The following GULP1 variants were observed in gnomAD, a reference collection of about 807,000 sequenced individuals.
The protein encoded by GULP1 is PTB domain-containing engulfment adapter protein 1.
In GULP1, 19 loss-of-function variants were observed where a neutral mutation model predicts 40.9. The observed-to-expected ratio is 0.46, with a 90% CI of 0.32 to 0.68. The LOEUF (loss-of-function observed/expected upper bound fraction) is 0.68, where lower values mean the gene tolerates loss of function less well. Ranked by LOEUF, GULP1 falls within the 30% of genes least tolerant of loss-of-function variation. The probability of loss-of-function intolerance (pLI) is 0.03; values close to 1 mark genes in which losing one functional copy is unlikely to be tolerated. For missense variants in GULP1, 312 were observed against 362.2 expected, an observed-to-expected ratio of 0.86 and a Z score of 1.12; for synonymous variants, 119 against 117.6, an observed-to-expected ratio of 1.01 and a Z score of -0.08.
intron 4 of GULP1, among the ~76,000 whole-genome samples, chr2:188,494,047 AATG>A (rs973004958): frequency 1.1e-4 from 17 of 152,148 alleles, no homozygotes; most frequent in African/African-American, 4.1e-4. Flanking sequence ...CCAGCCAGTG[AATG>A]ATGAACTCAT....
At chr2:188,395,740 T>C (rs1031165390) in intron 2 of GULP1, among the ~76,000 whole-genome samples, 1 of 152,142 alleles carries the variant, frequency 6.6e-6, no homozygotes, top group Non-Finnish European at 1.5e-5. Flanking sequence ...CTCCTCTGAG[T>C]CTAGCCACCC....
chr2:188,330,792 C>T (rs1237784168), intron 1 of GULP1, among the ~76,000 whole-genome samples: 1 of 152,122 alleles, frequency 6.6e-6, no homozygotes, highest in Admixed American at 6.6e-5. Flanking sequence ...TGAAAAGGTT[C>T]ATCTGGATTA....
At chr2:188,312,667 T>C (rs2038374359) in intron 1 of GULP1, among the ~76,000 whole-genome samples, 1 of 152,150 alleles carries the variant, frequency 6.6e-6, no homozygotes, top group African/African-American at 2.4e-5. Flanking sequence ...TACCCGGTAA[T>C]GGGATTGCTG....
chr2:188,492,659 G>A (rs943763771), intron 4 of GULP1, among the ~76,000 whole-genome samples: 4 of 150,826 alleles, frequency 2.7e-5, no homozygotes, highest in Non-Finnish European at 4.4e-5. Flanking sequence ...TAAAAAAAAA[G>A]AAATTATAGC....
intron 2 of GULP1, among the ~76,000 whole-genome samples, chr2:188,436,878 G>A (rs2057455552): frequency 6.6e-6 from 1 of 152,124 alleles, no homozygotes; most frequent in East Asian, 1.9e-4. Flanking sequence ...AATAGGTGCT[G>A]TATATCTCTA....
chr2:188,334,958 G>A (rs1379360255), intron 1 of GULP1, among the ~76,000 whole-genome samples: 2 of 152,142 alleles, frequency 1.3e-5, no homozygotes, highest in Non-Finnish European at 2.9e-5. Flanking sequence ...AGGAATTAGA[G>A]AAAATTGCCA....
At chr2:188,334,503 T>A (rs188557541) in intron 1 of GULP1, among the ~76,000 whole-genome samples, 164 of 152,282 alleles carry the variant, frequency 1.1e-3, no homozygotes, top group African/African-American at 3.9e-3. Context: ...GTGTGGTCCA[T>A]GTATAAGAGT....
chr2:188,308,958 G>T (rs1185406090), intron 1 of GULP1, among the ~76,000 whole-genome samples: 1 of 152,026 alleles, frequency 6.6e-6, no homozygotes, highest in Non-Finnish European at 1.5e-5. Context: ...ATTAGAGTTC[G>T]TGTGTCTCTG....
chr2:188,583,339 G>C (rs1357186534), intron 9 of GULP1, among the ~76,000 whole-genome samples: 1 of 152,088 alleles, frequency 6.6e-6, no homozygotes, highest in Non-Finnish European at 1.5e-5. Context: ...CGTATTCTGA[G>C]AATTCTAATT....
chr2:188,335,195 A>C (rs2042101276), intron 1 of GULP1, among the ~76,000 whole-genome samples: 1 of 152,194 alleles, frequency 6.6e-6, no homozygotes, highest in Non-Finnish European at 1.5e-5. Context: ...TTAATGGAAG[A>C]GTTTATTTCT....
At chr2:188,303,479 T>A (rs1334156530) in intron 1 of GULP1, among the ~76,000 whole-genome samples, 2 of 152,178 alleles carry the variant, frequency 1.3e-5, no homozygotes, top group Non-Finnish European at 2.9e-5. Context: ...CCAGAGGTTG[T>A]GTGGGCAGTG....
intron 4 of GULP1, among the ~76,000 whole-genome samples, chr2:188,504,492 A>T (rs879825269): frequency 1.1e-4 from 17 of 151,936 alleles, no homozygotes; most frequent in Non-Finnish European, 2.1e-4. Context: ...ACAGGCAACT[A>T]TGTAGATCAG....
chr2:188,523,581 G>C (rs981579182), intron 5 of GULP1, among the ~76,000 whole-genome samples: 2 of 151,550 alleles, frequency 1.3e-5, no homozygotes, highest in African/African-American at 4.9e-5. Flanking sequence ...ACAGTTAAAT[G>C]TTATTCTCTA....
chr2:188,517,792 G>A (rs2065337490), intron 4 of GULP1, among the ~76,000 whole-genome samples: 2 of 152,140 alleles, frequency 1.3e-5, no homozygotes, highest in South Asian at 4.1e-4. Flanking sequence ...CTGGGAGCCA[G>A]GCTGAGAAAA....
chr2:188,427,183 C>G (rs1014610491), intron 2 of GULP1, among the ~76,000 whole-genome samples: 1 of 152,098 alleles, frequency 6.6e-6, no homozygotes, highest in Non-Finnish European at 1.5e-5. Context: ...TATGAATGAG[C>G]AAATAAATGA....
intron 2 of GULP1, among the ~76,000 whole-genome samples, chr2:188,414,842 T>C (rs1260277983): frequency 6.6e-6 from 1 of 152,218 alleles, no homozygotes; most frequent in Non-Finnish European, 1.5e-5. Flanking sequence ...TAGAGTAATT[T>C]ATAATTTCTT....
chr2:188,561,370 A>C (rs766085891), intron 7 of GULP1, among the ~76,000 whole-genome samples: 40 of 152,166 alleles, frequency 2.6e-4, no homozygotes, highest in Non-Finnish European at 5.1e-4. Flanking sequence ...CAGTGACAGG[A>C]AAATTATCTG....
intron 9 of GULP1, among the ~76,000 whole-genome samples, chr2:188,583,579 C>T (rs1429563600): frequency 6.6e-6 from 1 of 151,832 alleles, no homozygotes; most frequent in African/African-American, 2.4e-5. Context: ...TTTATCTTTC[C>T]CTATATGTGT....
At chr2:188,329,375 G>A (rs1247387639) in intron 1 of GULP1, among the ~76,000 whole-genome samples, 3 of 152,108 alleles carry the variant, frequency 2.0e-5, no homozygotes, top group Admixed American at 6.6e-5. Flanking sequence ...TCTAGGAATA[G>A]GTAGTCTAGG....
Sources: allele counts gnomAD v4.1 joint callset (sites outside exome capture counted in the v4.1 genomes callset), GRCh38; gene constraint gnomAD v4.1.1; transcripts MANE v1.5; gene names NCBI Gene and HGNC (gene_info 2026-07-23, HGNC 2026-07-21).